The following ELF4 variants were observed in gnomAD, a reference collection of about 807,000 sequenced individuals.
ELF4 encodes the protein ETS-related transcription factor Elf-4.
Under a neutral mutation model 31.7 loss-of-function variants are expected in ELF4, and 10 were observed. The ratio of observed to expected loss-of-function variants is 0.32; its 90% CI spans 0.19 to 0.54. The LOEUF (loss-of-function observed/expected upper bound fraction) is 0.54. Among genes scored for constraint, ELF4 ranks in the 20% least tolerant of loss-of-function variants. The probability of loss-of-function intolerance (pLI) is 0.95; values close to 1 mark genes in which losing one functional copy is unlikely to be tolerated. For synonymous variants in ELF4, 208 were observed against 226.7 expected (o/e 0.92, Z 0.74); for missense variants, 418 against 522.0 (o/e 0.80, Z 1.94).
In ELF4 at chrX:130,066,920, G is replaced by A. The variant is rs1323130550; in HGVS notation, c.1793C>T (p.Thr598Ile). The A allele has an allele frequency of 1.6e-6, 2 of 1,212,220 alleles. No individual in the cohort carries two copies. Among genetic ancestry groups the A allele is most frequent in the Admixed American group, 4.3e-5 (2 of 46,095 alleles). ...SHNPSLLGNQ[T>I]LSPPSRPTVG... ...AGTGGGGCGGCTGGGAGGAGACAAA[G>A]TCTGGTTGCCCAGAAGGCTCGGATT... The change falls in exon 9 of 9, where the codon ACT (threonine) becomes ATT (isoleucine). Residue 598 changes from threonine to isoleucine, a missense_variant. This residue lies in a region of ELF4 where 260 missense variants were observed against 269.2 expected (regional missense o/e 0.97). Transcript: ENST00000308167.
intron 2 of ELF4, among the ~76,000 whole-genome samples, chrX:130,077,798 CAG>C (rs1260933812): frequency 8.9e-6 from 1 of 111,982 alleles, no homozygotes; most frequent in Non-Finnish European, 1.9e-5. Flanking sequence ...ATAAAGCACT[CAG>C]AGCAGGGCCT....
In ELF4 at chrX:130,066,786, T is replaced by TG. The variant is rs1323189099; in HGVS notation, c.1926dup (p.Thr643HisfsTer15). On this transcript the variant is annotated frameshift_variant, in exon 9 of 9. Transcript: ENST00000308167. LOFTEE classifies it high-confidence loss of function. Reference sequence around the variant, plus strand: ...TTGAATGGGGAGAAAGGGGCTGGGGTGGGGGATCTTGTCAGAAGGCTCCCA... The same window carrying TG: ...TTGAATGGGGAGAAAGGGGCTGGGGTGGGGGGATCTTGTCAGAAGGCTCCCA... 2 of 1,205,544 alleles carry TG rather than the reference T, an allele frequency of 1.7e-6. No homozygotes were observed. Among genetic ancestry groups the TG allele is most frequent in the Non-Finnish European group, 2.2e-6 (2 of 893,274 alleles).
intron 1 of ELF4, among the ~76,000 whole-genome samples, chrX:130,108,380 G>A (rs1350310553): frequency 1.8e-5 from 2 of 111,300 alleles, no homozygotes; most frequent in African/African-American, 3.3e-5. Flanking sequence ...ATTACATTGC[G>A]GGGGTAGGGG....
chrX:130,067,735 G>A (rs778751328), intron 8 of ELF4, among the ~76,000 whole-genome samples: 3 of 111,937 alleles, frequency 2.7e-5, no homozygotes, highest in Non-Finnish European at 5.6e-5. Context: ...TTGAAGCCCT[G>A]GGCTCAAGCG....
chrX:130,082,962 G>A (rs1235678408), intron 1 of ELF4, among the ~76,000 whole-genome samples: 1 of 110,471 alleles, frequency 9.1e-6, no homozygotes, highest in African/African-American at 3.3e-5. Context: ...CTTCAGAGAG[G>A]GGCAAAGGGG....
Position 130,097,511 on chromosome X carries a change from C to CA in ELF4, c.-210+12813dup, listed in dbSNP as rs1189821090. Among the ~76,000 whole-genome samples, 3 of 112,086 alleles carry CA rather than the reference C, an allele frequency of 2.7e-5. No individual in the cohort carries two copies. The Admixed American group carries it at 2.8e-4, about 11-fold the overall frequency. On this transcript the variant is annotated intron_variant, in intron 1 of 8. Coordinates refer to ENST00000308167, the MANE Select transcript of ELF4 (RefSeq NM_001421.4). ...TGTAAGGCAGAATAGAATGGAGTGT[C>CA]AGATACGTGGCTCTCCTTTGGGTGC...
rs781006378 is a variant in ELF4 at position 130,095,779 on chromosome X, C to T, written c.-209-14240G>A. Among the ~76,000 whole-genome samples the T allele has an allele frequency of 1.4e-4, 16 of 112,273 alleles. No homozygotes were observed. The East Asian group carries it at 3.6e-3, about 25-fold the overall frequency. ...TTCCAGAGAGTTCCTGGCTCCAGACCTCAAGTAGCCACAGCATGGTCCCTG... is the reference window on the plus strand; with the variant it reads ...TTCCAGAGAGTTCCTGGCTCCAGACTTCAAGTAGCCACAGCATGGTCCCTG... On this transcript the variant is annotated intron_variant, in intron 1 of 8. Transcript: ENST00000308167.
chrX:130,098,253 T>TAAAAAGAACGCA (rs1309023626), intron 1 of ELF4, among the ~76,000 whole-genome samples: 4 of 111,478 alleles, frequency 3.6e-5, no homozygotes, highest in Non-Finnish European at 5.6e-5. Flanking sequence ...GCATGCGTTC[T>TAAAAAGAACGCA]TTTTAAATTG....
At chrX:130,077,140 A>G (rs1932841564) in intron 2 of ELF4, among the ~76,000 whole-genome samples, 1 of 111,335 alleles carries the variant, frequency 9.0e-6, no homozygotes. Flanking sequence ...GTCACGGGTG[A>G]CTATTTAAAT....
intron 1 of ELF4, among the ~76,000 whole-genome samples, chrX:130,094,511 G>A (rs1933116482): frequency 9.2e-6 from 1 of 108,980 alleles, no homozygotes; most frequent in Non-Finnish European, 1.9e-5. Context: ...AGGTTGCAGT[G>A]AGCCAAGATC....
chrX:130,072,173 A>ACGCCCCCCCC, intron 5 of ELF4, 53 bp downstream of exon 5: 2 of 684,925 alleles, frequency 2.9e-6, no homozygotes, highest in Non-Finnish European at 4.5e-6. Flanking sequence ...CCGCCCCCCC[A>ACGCCCCCCCC]CGCCCCGCCC....
intron 1 of ELF4, among the ~76,000 whole-genome samples, chrX:130,108,481 G>T (rs1386426839): frequency 9.0e-6 from 1 of 111,640 alleles, no homozygotes; most frequent in African/African-American, 3.3e-5. Context: ...AGCTGGGTCT[G>T]TGCGGCACAG....
chrX:130,088,900 G>A (rs1343504869), intron 1 of ELF4, among the ~76,000 whole-genome samples: 1 of 111,995 alleles, frequency 8.9e-6, no homozygotes, highest in African/African-American at 3.3e-5. Context: ...TCCTTGCTCA[G>A]ATCTGGAACT....
rs1569401281 is a variant in ELF4, at chrX:130,069,330, T to A, written c.1157A>T (p.Glu386Val). The change falls in exon 8 of 9, where the codon GAG (glutamate) becomes GTG (valine). Residue 386 changes from glutamate to valine, a missense_variant. By Grantham distance (121) the Glu-to-Val change is moderately radical. Transcript: ENST00000308167. ...TTSTMLVSPA[E>V]GQVKLTKAVS... ...AGCTTTGGTGAGCTTGACCTGGCCCTCTGCTGGAGAGACGAGCATGGTGGA... is the reference window on the plus strand; with the variant it reads ...AGCTTTGGTGAGCTTGACCTGGCCCACTGCTGGAGAGACGAGCATGGTGGA... 8.3e-7 allele frequency: 1 copy of A among 1,212,015 alleles called. No homozygotes were observed. Among genetic ancestry groups the A allele is most frequent in the Admixed American group, 2.2e-5 (1 of 46,072 alleles).
In ELF4 at chrX:130,066,555, C is replaced by A; in HGVS notation, c.*166G>T. 5 of 533,720 alleles carry A rather than the reference C, an allele frequency of 9.4e-6. No homozygotes were observed. The highest frequency in any genetic ancestry group is 1.6e-5 in the Non-Finnish European group (5 of 311,942). The allele number at this position is 533,720 out of a possible 1,213,427, so 44.0% of individuals were successfully genotyped here. ...TAGTCTGATGCCAGGGATGCTTAAG[C>A]TGGGCACTGTTTGGCCACAGTGACA... is the stretch of plus-strand genomic sequence containing the variant. On this transcript the variant is annotated 3_prime_UTR_variant, in exon 9 of 9. Transcript: ENST00000308167.
chrX:130,071,314 C>T (rs1932785458), intron 6 of ELF4, 22 bp downstream of exon 6: 1 of 1,211,670 alleles, frequency 8.3e-7, no homozygotes, highest in Middle Eastern at 2.3e-4. Context: ...CCCCACCTCA[C>T]CTGAGTCCCA....
intron 7 of ELF4, among the ~76,000 whole-genome samples, chrX:130,070,310 C>A (rs182083731): frequency 9.0e-6 from 1 of 111,554 alleles, no homozygotes. Flanking sequence ...CCGTGACTCA[C>A]GCCTGTAATC....
At chrX:130,110,549 CCCCCGCCCTCCT>C (rs1229668442), upstream of ELF4, 2 of 107,933 alleles carry the variant, frequency 1.9e-5, no homozygotes, top group Non-Finnish European at 3.9e-5. Context: ...GGGCCGCCGT[CCCCCGCCCTCCT>C]CCCCGCCCGC....
At chrX:130,068,248 G>A (rs920177604) in intron 8 of ELF4, among the ~76,000 whole-genome samples, 2 of 112,594 alleles carry the variant, frequency 1.8e-5, no homozygotes, top group African/African-American at 6.5e-5. Context: ...ACAGCTTGAG[G>A]AAAGTGAGGC....
Sources: allele counts gnomAD v4.1 joint callset (sites outside exome capture counted in the v4.1 genomes callset), GRCh38; gene constraint gnomAD v4.1.1; regional missense constraint gnomAD v4.1.1; transcripts MANE v1.5; gene names NCBI Gene and HGNC (gene_info 2026-07-23, HGNC 2026-07-21).